Variants in SPNS2 observed in about 807,000 individuals in gnomAD.
SPNS2 encodes sphingosine-1-phosphate transporter SPNS2.
Under a neutral mutation model 57.6 loss-of-function variants are expected in SPNS2, and 37 were observed. The ratio of observed to expected loss-of-function variants is 0.64; its 90% CI spans 0.49 to 0.85. SPNS2 has a LOEUF of 0.85. Ranked by LOEUF, SPNS2 falls within the 40% of genes least tolerant of loss-of-function variation. The pLI, the probability that SPNS2 is intolerant of heterozygous loss-of-function variation, is 0.00. For missense variants in SPNS2, 831 were observed against 779.1 expected (o/e 1.07, Z -0.79); for synonymous variants, 440 against 346.9 (o/e 1.27, Z -2.98).
At chr17:4,527,605 GA>G (rs548664359) in intron 3 of SPNS2, among the ~76,000 whole-genome samples, 137 of 152,354 alleles carry the variant, frequency 9.0e-4, no homozygotes, top group African/African-American at 3.1e-3. Context: ...AGTTTCAGGA[GA>G]AGACACCCAA....
chr17:4,519,599 G>T (rs1905087492), intron 2 of SPNS2, among the ~76,000 whole-genome samples: 1 of 152,238 alleles, frequency 6.6e-6, no homozygotes, highest in Non-Finnish European at 1.5e-5. Flanking sequence ...TAGACCTGTG[G>T]GCTCAGCACA....
At chr17:4,526,879 A>G (rs918985916) in intron 3 of SPNS2, among the ~76,000 whole-genome samples, 7 of 152,188 alleles carry the variant, frequency 4.6e-5, no homozygotes, top group African/African-American at 1.7e-4. Flanking sequence ...CAGGTCAGGT[A>G]AAGCTCCAGG....
chr17:4,521,796 T>C (rs1239091941), intron 2 of SPNS2, among the ~76,000 whole-genome samples: 1 of 152,260 alleles, frequency 6.6e-6, no homozygotes, highest in African/African-American at 2.4e-5. Flanking sequence ...ATTTGTGTGG[T>C]AGAAACACTG....
At chr17:4,529,639 C>T (rs756793196) in intron 3 of SPNS2, among the ~76,000 whole-genome samples, 1 of 151,854 alleles carries the variant, frequency 6.6e-6, no homozygotes, top group Non-Finnish European at 1.5e-5. Flanking sequence ...CCACTGCACT[C>T]CAGCCTGAGT....
chr17:4,500,978 C>T (rs1172782914), intron 1 of SPNS2, among the ~76,000 whole-genome samples: 3 of 152,190 alleles, frequency 2.0e-5, no homozygotes, highest in Non-Finnish European at 4.4e-5. Context: ...GTCACGCATG[C>T]ACCATGCTGC....
At chr17:4,518,441 T>C (rs1429370897) in intron 2 of SPNS2, among the ~76,000 whole-genome samples, 1 of 152,204 alleles carries the variant, frequency 6.6e-6, no homozygotes, top group Admixed American at 6.5e-5. Context: ...GGGAATGGCA[T>C]GAACCCAGGA....
chr17:4,517,825 C>T (rs1379697881), intron 2 of SPNS2, among the ~76,000 whole-genome samples: 5 of 152,028 alleles, frequency 3.3e-5, no homozygotes, highest in Admixed American at 1.3e-4. Context: ...AAGAACAGAA[C>T]ATTATGAAAA....
intron 2 of SPNS2, among the ~76,000 whole-genome samples, chr17:4,522,759 G>C (rs1174290359): frequency 6.6e-6 from 1 of 152,220 alleles, no homozygotes; most frequent in African/African-American, 2.4e-5. Flanking sequence ...CAGGGGGAGG[G>C]ATGGGGGGCC....
chr17:4,530,671 A>T lies in SPNS2; in HGVS notation c.613A>T (p.Ile205Phe), dbSNP rs1311757361. 3 of 1,613,580 alleles carry T rather than the reference A, an allele frequency of 1.9e-6. No individual in the cohort carries two copies. Among genetic ancestry groups the T allele is most frequent in the Non-Finnish European group, 2.5e-6 (3 of 1,179,848 alleles). ...GGTCCTGTCCCGGGGGCTGGTGGGCATCGGGGAGGCCAGCTACTCCACCAT... is the reference window on the plus strand; with the variant it reads ...GGTCCTGTCCCGGGGGCTGGTGGGCTTCGGGGAGGCCAGCTACTCCACCAT... The part of the protein sequence containing the change: ...LLVLSRGLVG[I>F]GEASYSTIAP... The change falls in exon 4 of 13, where the codon ATC becomes TTC. Residue 205 changes from isoleucine to phenylalanine, a missense_variant. Coordinates refer to ENST00000329078, the MANE Select transcript of SPNS2 (RefSeq NM_001124758.3).
At chr17:4,525,318 C>G in intron 3 of SPNS2, 125 bp downstream of exon 3, 1 of 1,338,538 alleles carries the variant, frequency 7.5e-7, no homozygotes, top group African/African-American at 1.5e-5. Flanking sequence ...ACCCCACTGT[C>G]TTCCCAGTGC....
rs1015800971 is a variant in SPNS2 at position 4,512,241 on chromosome 17, G to A, written c.371-1006G>A. On this transcript the variant is annotated intron_variant, in intron 1 of 12. Coordinates refer to ENST00000329078, the MANE Select transcript of SPNS2 (RefSeq NM_001124758.3). This position sits in a 1 kb window ranked among gnomAD's most constrained non-coding sequence, Gnocchi z 5.2. ...TCACTGCAGATGTGCTATGGTCAGC[G>A]GGGCTCTGGCCTGTGCCCTGGGTCC... 1.3e-5 allele frequency among the ~76,000 whole-genome samples: 2 copies of A among 152,198 alleles called. No individual in the cohort carries two copies. The highest frequency in any genetic ancestry group is 4.8e-5 in the African/African-American group (2 of 41,432).
intron 2 of SPNS2, among the ~76,000 whole-genome samples, chr17:4,520,323 G>A (rs1338540699): frequency 2.0e-5 from 3 of 152,218 alleles, no homozygotes; most frequent in Non-Finnish European, 4.4e-5. Flanking sequence ...AAACCAGGGA[G>A]GGGTTGAAAG....
chr17:4,533,432 T>C lies in SPNS2; in HGVS notation c.1278T>C (p.Tyr426=). The C allele has an allele frequency of 1.9e-6, 3 of 1,597,246 alleles. No homozygotes were observed. The highest frequency in any genetic ancestry group is 1.3e-5 in the African/African-American group (1 of 74,676). The change falls in exon 8 of 13, where the codon TAT becomes TAC. Residue 426 remains tyrosine, a splice_region_variant and synonymous_variant. Coordinates refer to ENST00000329078, the MANE Select transcript of SPNS2 (RefSeq NM_001124758.3). ...CCAAGAGCAGCATCGTAGGAGCCTA[T>C]GTGAGTGCAGCGGGGGTCAAGGGTG... The part of the protein sequence containing the change: ...VAAKSSIVGA[Y]ICIFVGETLL...
At chr17:4,522,179 A>G (rs893594013) in intron 2 of SPNS2, among the ~76,000 whole-genome samples, 1 of 152,202 alleles carries the variant, frequency 6.6e-6, no homozygotes, top group African/African-American at 2.4e-5. Context: ...AGCCTGGGCG[A>G]CAGAGCGAAA....
rs1419393948 is a variant in SPNS2, at chr17:4,537,708, G to C, written c.*260G>C. On this transcript the variant is annotated 3_prime_UTR_variant, in exon 13 of 13. Transcript: ENST00000329078. Reference sequence around the variant, plus strand: ...CTAGGTTTGGGCCGCAGGGCCCCTGGGGCCAAGGAAGAAGACAGCCCCAAG... The same window carrying C: ...CTAGGTTTGGGCCGCAGGGCCCCTGCGGCCAAGGAAGAAGACAGCCCCAAG... 4 of 456,762 alleles carry C rather than the reference G, an allele frequency of 8.8e-6. No homozygotes were observed. Among genetic ancestry groups the C allele is most frequent in the Middle Eastern group, 6.5e-4 (2 of 3,076 alleles). The allele number at this position is 456,762 out of a possible 1,614,324, so 28.3% of individuals were successfully genotyped here.
intron 3 of SPNS2, among the ~76,000 whole-genome samples, chr17:4,527,095 T>C (rs1905279339): frequency 6.6e-6 from 1 of 152,154 alleles, no homozygotes; most frequent in Non-Finnish European, 1.5e-5. Context: ...AGACAGAAGA[T>C]AAGCAAAGGC....
chr17:4,537,931 C>T lies in SPNS2; in HGVS notation c.*483C>T, dbSNP rs1235781124. On this transcript the variant is annotated 3_prime_UTR_variant, in exon 13 of 13. Coordinates refer to ENST00000329078, the MANE Select transcript of SPNS2 (RefSeq NM_001124758.3). ...GGCCCAGGCCTCAGGGCGGCAGTCC[C>T]GGCTTTGAGGCTCACGCGAGGGCCT... 6.1e-5 allele frequency: 24 copies of T among 391,138 alleles called. No individual in the cohort carries two copies. The highest frequency in any genetic ancestry group is 1.2e-4 in the Admixed American group (4 of 34,108). 24.2% of individuals were successfully genotyped at this position (391,138 alleles called of 1,614,324 possible). A position where few individuals can be genotyped will look rare whatever the true frequency, so the allele number is the denominator to read the frequency against.
At position 4,498,964 on chromosome 17, in the gene SPNS2, G is replaced by T; in HGVS notation, c.-84G>T. On this transcript the variant is annotated 5_prime_UTR_variant, in exon 1 of 13. Transcript: ENST00000329078. ...GCCCGACCAGGATGGTGCAGTGGCG[G>T]CTCCGCGGCGCACGCACGCGCTGAG... The T allele has an allele frequency of 1.1e-6, 1 of 901,250 alleles. No homozygotes were observed. 55.8% of individuals were successfully genotyped at this position (901,250 alleles called of 1,614,324 possible).
chr17:4,508,533 C>T (rs1007417584), intron 1 of SPNS2, among the ~76,000 whole-genome samples: 3 of 152,054 alleles, frequency 2.0e-5, no homozygotes, highest in Non-Finnish European at 2.9e-5. Context: ...TCATGGCTAG[C>T]AGCATTTCCC....
Sources: allele counts gnomAD v4.1 joint callset (sites outside exome capture counted in the v4.1 genomes callset), GRCh38; gene constraint gnomAD v4.1.1; non-coding constraint Gnocchi (gnomAD v3.1); transcripts MANE v1.5; gene names NCBI Gene and HGNC (gene_info 2026-07-23, HGNC 2026-07-21).